The following ALDH1A1 variants were observed in gnomAD, a reference collection of about 807,000 sequenced individuals.
The protein encoded by ALDH1A1 is aldehyde dehydrogenase 1 family member A1, also known as aldehyde dehydrogenase 1A1.
A neutral mutation model predicts 62.1 loss-of-function variants in ALDH1A1; 19 were observed. The observed-to-expected ratio is 0.31, with a 90% confidence interval of 0.21 to 0.45. The LOEUF (loss-of-function observed/expected upper bound fraction) is 0.45. Among genes scored for constraint, ALDH1A1 ranks in the 20% least tolerant of loss-of-function variants. ALDH1A1 has a pLI of 1.00. For synonymous variants in ALDH1A1, 231 were observed against 215.9 expected, an observed-to-expected ratio of 1.07 and a Z score of -0.61; for missense variants, 521 against 607.1, an observed-to-expected ratio of 0.86 and a Z score of 1.49.
Position 72,901,224 on chromosome 9 carries a change from G to C in ALDH1A1, c.1490C>G (p.Ser497Cys). 3 of 1,609,422 alleles carry C rather than the reference G, an allele frequency of 1.9e-6. No homozygotes were observed. The highest frequency in any genetic ancestry group is 1.1e-5 in the South Asian group (1 of 90,920). Residue 497 changes from serine (S) to cysteine (C), a missense_variant, in exon 13 of 13, where the codon TCT becomes TGT. Ser to Cys is a moderately radical substitution (Grantham distance 112). Transcript: ENST00000297785. ...TEVKTVTVKI[S>C]QKNS Reference sequence around the variant, plus strand: ...GTATTTTCTTTATGAGTTCTTCTGAGAGATTTTCACTGTGACTGTTTTGAC... The same window carrying C: ...GTATTTTCTTTATGAGTTCTTCTGACAGATTTTCACTGTGACTGTTTTGAC...
chr9:72,913,714 T>A (rs939992083), intron 9 of ALDH1A1, among the ~76,000 whole-genome samples: 1 of 152,252 alleles, frequency 6.6e-6, no homozygotes, highest in Admixed American at 6.5e-5. Context: ...CGCTAACTTA[T>A]AAAACTACAG....
intron 9 of ALDH1A1, 71 bp downstream of exon 9, chr9:72,916,849 A>G (rs1032360401): frequency 1.5e-6 from 2 of 1,304,018 alleles, no homozygotes; most frequent in South Asian, 1.9e-5. Context: ...CTTACTCAAT[A>G]AAATCTAGGT....
intron 11 of ALDH1A1, among the ~76,000 whole-genome samples, chr9:72,909,186 A>C (rs113703141): frequency 0.062 from 3,950 of 63,628 alleles, 98 homozygotes; most frequent in Middle Eastern, 0.17. Flanking sequence ...TTTGAGACGG[A>C]GTTTTGCTCT....
At chr9:72,912,185 G>A (rs1162969059) in intron 9 of ALDH1A1, 63 bp from the exon 10 acceptor site, 3 of 1,440,790 alleles carry the variant, frequency 2.1e-6, no homozygotes, top group Admixed American at 4.0e-5. Context: ...ACACATTGCT[G>A]GGCCTGTTAA....
At chr9:72,903,502 C>T (rs571878170) in intron 12 of ALDH1A1, among the ~76,000 whole-genome samples, 1 of 151,856 alleles carries the variant, frequency 6.6e-6, no homozygotes, top group Non-Finnish European at 1.5e-5. Flanking sequence ...TGAGTAATAA[C>T]TTGTAACTCT....
intron 7 of ALDH1A1, among the ~76,000 whole-genome samples, chr9:72,919,579 A>G (rs1830111447): frequency 6.6e-6 from 1 of 152,264 alleles, no homozygotes; most frequent in African/African-American, 2.4e-5. Flanking sequence ...TTATTTGTAT[A>G]GAAATACATT....
chr9:72,931,119 A>G (rs1464640861), intron 2 of ALDH1A1, 100 bp from the exon 3 acceptor site: 1 of 1,338,768 alleles, frequency 7.5e-7, no homozygotes, highest in Non-Finnish European at 1.0e-6. Context: ...CCTCATAAGC[A>G]GGCACTGTGT....
rs1468398762 is a variant in ALDH1A1 at position 72,900,832 on chromosome 9, G to A, written c.*376C>T. The A allele has an allele frequency of 1.8e-5, 3 of 164,646 alleles. No homozygotes were observed. The highest frequency in any genetic ancestry group is 1.7e-4 in the South Asian group (1 of 5,776). 10.2% of individuals were successfully genotyped at this position (164,646 alleles called of 1,614,324 possible). ...CAGAGCAATTTACTCTGCAGTTAAC[G>A]TGTATGTTAAGTACTTCAAGAGTCA... On this transcript the variant is annotated 3_prime_UTR_variant, in exon 13 of 13. Transcript: ENST00000297785.
intron 7 of ALDH1A1, among the ~76,000 whole-genome samples, chr9:72,920,328 T>TTATATGCCATAAGACATATATGTCATAA (rs1830125071): frequency 6.6e-6 from 1 of 152,168 alleles, no homozygotes; most frequent in Non-Finnish European, 1.5e-5. Flanking sequence ...AAATCCTGTC[T>TTATATGCCATAAGACATATATGTCATAA]GAAATTTCTC....
intron 12 of ALDH1A1, among the ~76,000 whole-genome samples, chr9:72,902,042 G>A (rs528372350): frequency 6.6e-6 from 1 of 152,142 alleles, no homozygotes; most frequent in East Asian, 1.9e-4. Flanking sequence ...GCTTTTTGCA[G>A]TTGTTGTTTT....
intron 2 of ALDH1A1, among the ~76,000 whole-genome samples, chr9:72,939,916 G>A (rs2118566360): frequency 6.7e-6 from 1 of 149,708 alleles, no homozygotes; most frequent in East Asian, 2.0e-4. Flanking sequence ...GGAAAATGAT[G>A]TGAAAAAAAA....
chr9:72,912,431 G>T (rs1830004368), intron 9 of ALDH1A1, among the ~76,000 whole-genome samples: 1 of 152,142 alleles, frequency 6.6e-6, no homozygotes, highest in Non-Finnish European at 1.5e-5. Flanking sequence ...CACTCTGGAA[G>T]AAATGCCTGT....
At chr9:72,937,192 A>G (rs1482648756) in intron 2 of ALDH1A1, among the ~76,000 whole-genome samples, 3 of 152,312 alleles carry the variant, frequency 2.0e-5, no homozygotes, top group East Asian at 3.9e-4. Flanking sequence ...AGAATATACT[A>G]TATCTATAGT....
At chr9:72,942,900 A>G (rs1373078887) in intron 1 of ALDH1A1, among the ~76,000 whole-genome samples, 6 of 152,274 alleles carry the variant, frequency 3.9e-5, no homozygotes, top group African/African-American at 1.4e-4. Flanking sequence ...ATAACATGTT[A>G]GTATCCTACT....
intron 7 of ALDH1A1, among the ~76,000 whole-genome samples, chr9:72,921,278 A>C (rs1245594113): frequency 1.3e-5 from 2 of 151,774 alleles, no homozygotes; most frequent in Non-Finnish European, 2.9e-5. Flanking sequence ...CCTTGCCTAA[A>C]GTGTTGTTAG....
intron 1 of ALDH1A1, among the ~76,000 whole-genome samples, chr9:72,952,048 T>C (rs1432178020): frequency 1.3e-5 from 2 of 152,002 alleles, no homozygotes; most frequent in Non-Finnish European, 2.9e-5. Context: ...GTTTTTCTGT[T>C]GGCTAATTCA....
chr9:72,939,974 A>G (rs1325639944), intron 2 of ALDH1A1, among the ~76,000 whole-genome samples, 174 bp downstream of exon 2: 1 of 92,024 alleles, frequency 1.1e-5, no homozygotes, highest in African/African-American at 4.0e-5. Context: ...ACATAACTAC[A>G]GAGCATTTTT....
rs752631003 is a variant in ALDH1A1 at position 72,911,993 on chromosome 9, T to G, written c.1165A>C (p.Asn389His). The G allele has an allele frequency of 6.2e-7, 1 of 1,613,970 alleles. No homozygotes were observed. The highest frequency in any genetic ancestry group is 8.5e-7 in the Non-Finnish European group (1 of 1,179,902). Residue 389 changes from asparagine to histidine, a missense_variant, in exon 10 of 13, where the codon AAT (asparagine) becomes CAT (histidine). By Grantham distance (68) the Asn-to-His change is moderately conservative. Transcript: ENST00000297785. ...GYFVQPTVFSNVTDEMRIAKE... is the reference protein window; with the variant it reads ...GYFVQPTVFSHVTDEMRIAKE... ...GCAATGCGCATCTCATCTGTAACAT[T>G]AGAGAACACTGTGGGCTGGACAAAG...
intron 1 of ALDH1A1, among the ~76,000 whole-genome samples, chr9:72,940,691 TAAAA>T (rs1194078908): frequency 6.6e-6 from 1 of 152,276 alleles, no homozygotes; most frequent in East Asian, 1.9e-4. Context: ...GTTTTAAAGT[TAAAA>T]AAAGAATTTT....
Sources: allele counts gnomAD v4.1 joint callset (sites outside exome capture counted in the v4.1 genomes callset), GRCh38; gene constraint gnomAD v4.1.1; transcripts MANE v1.5; gene names NCBI Gene and HGNC (gene_info 2026-07-23, HGNC 2026-07-21).